The following CNPPD1 variants were observed in gnomAD, a reference collection of about 807,000 sequenced individuals.
CNPPD1 encodes the protein cyclin Pas1/PHO80 domain containing 1.
A neutral mutation model predicts 43.7 loss-of-function variants in CNPPD1; 40 were observed. That is an observed-to-expected ratio of 0.92 (90% CI 0.71 to 1.19). The LOEUF (loss-of-function observed/expected upper bound fraction) is 1.19. CNPPD1 is among the 50% of genes most tolerant of loss of function. CNPPD1 has a pLI of 0.00. For missense variants in CNPPD1, 511 were observed against 518.5 expected (o/e 0.99, Z 0.14); for synonymous variants, 208 against 214.3 (o/e 0.97, Z 0.26).
At chr2:219,174,292 C>A in intron 5 of CNPPD1, 85 bp from the exon 6 acceptor site, 1 of 1,333,694 alleles carries the variant, frequency 7.5e-7, no homozygotes, top group Non-Finnish European at 1.1e-6. Flanking sequence ...CAACTACAAC[C>A]GCCCCTATGG....
chr2:219,175,853 T>C (rs766664004), intron 2 of CNPPD1, among the ~76,000 whole-genome samples, 181 bp from the exon 3 acceptor site: 5 of 152,176 alleles, frequency 3.3e-5, no homozygotes, highest in Non-Finnish European at 7.3e-5. Context: ...CAAGTTCGAA[T>C]TTCAGCTCAT....
intron 2 of CNPPD1, 103 bp downstream of exon 2, chr2:219,176,120 G>T: frequency 1.2e-6 from 1 of 811,882 alleles, no homozygotes; most frequent in Non-Finnish European, 2.1e-6. Flanking sequence ...AGCTAGCAAT[G>T]AAGAGACAGT....
chr2:219,172,955 G>C lies in CNPPD1; in HGVS notation c.864C>G (p.Cys288Trp), dbSNP rs745727803. ...TGGAGACATTAGCGAGAGACGGCAG[G>C]CATTGTGGCACAGAAGGTATGCAGG... The part of the protein sequence containing the change: ...LEPCIPSVPQ[C>W]LPSLANVSSC... The change falls in exon 8 of 8, where the codon TGC becomes TGG. Residue 288 changes from cysteine to tryptophan, a missense_variant. Transcript: ENST00000360507. 1.9e-6 allele frequency: 3 copies of C among 1,613,982 alleles called. No individual in the cohort carries two copies. Among genetic ancestry groups the C allele is most frequent in the Non-Finnish European group, 1.7e-6 (2 of 1,179,966 alleles).
At chr2:219,178,142 G>A (rs930728196), upstream of CNPPD1, 7 of 283,624 alleles carry the variant, frequency 2.5e-5, no homozygotes, top group African/African-American at 9.0e-5. Flanking sequence ...CAGTGTCAGC[G>A]GCAGCCGCCG....
At chr2:219,176,176 C>T (rs1001870314) in intron 2 of CNPPD1, 47 bp downstream of exon 2, 6 of 1,384,242 alleles carry the variant, frequency 4.3e-6, no homozygotes, top group Non-Finnish European at 6.2e-6. Context: ...TGATGACAAT[C>T]CCATTTTCAT....
rs1950084238 is a variant in CNPPD1, at chr2:219,172,404, C to T, written c.*182G>A. ...ATCACTGTCCTGGCCAAGCAGCCAG[C>T]CACTGCGATCTAGGAGTGAATTACC... is the stretch of plus-strand genomic sequence containing the variant. On this transcript the variant is annotated 3_prime_UTR_variant, in exon 8 of 8. Coordinates refer to ENST00000360507, the MANE Select transcript of CNPPD1 (RefSeq NM_015680.6). The T allele has an allele frequency of 5.9e-6, 4 of 681,666 alleles. No homozygotes were observed. Among genetic ancestry groups the T allele is most frequent in the Non-Finnish European group, 1.0e-5 (4 of 394,578 alleles). The allele number at this position is 681,666 out of a possible 1,614,324, so 42.2% of individuals were successfully genotyped here. A position where few individuals can be genotyped will look rare whatever the true frequency, so the allele number is the denominator to read the frequency against.
chr2:219,176,251 G>A lies in CNPPD1; in HGVS notation c.150C>T (p.Ser50=). Residue 50 remains serine (S), a synonymous_variant, in exon 2 of 8, where the codon AGC becomes AGT. Coordinates refer to ENST00000360507, the MANE Select transcript of CNPPD1 (RefSeq NM_015680.6). ...CCACCGGGCTGGAGAGCTCCTCCAG[G>A]CTACAGTCGGCTTCCCAGTCCCAGC... ...YYGWDWEADC[S]LEELSSPVAD... 1.2e-6 allele frequency: 2 copies of A among 1,614,002 alleles called. No homozygotes were observed. The highest frequency in any genetic ancestry group is 1.7e-6 in the Non-Finnish European group (2 of 1,179,866).
rs972746160 is a variant in CNPPD1 at position 219,176,417 on chromosome 2, G to C, written c.70-86C>G. 1.1e-5 allele frequency: 12 copies of C among 1,057,438 alleles called. No homozygotes were observed. The African/African-American group carries it at 1.7e-4, about 15-fold the overall frequency. 65.5% of individuals were successfully genotyped at this position (1,057,438 alleles called of 1,614,324 possible). A position where few individuals can be genotyped will look rare whatever the true frequency, so the allele number is the denominator to read the frequency against. On this transcript the variant is annotated intron_variant, in intron 1 of 7. Transcript: ENST00000360507. Reference sequence around the variant, plus strand: ...GCTCTGGGCTGGAAGGCGGGGCAGGGGACAGGCCGGCCTCGCTGCTAGGGG... The same window carrying C: ...GCTCTGGGCTGGAAGGCGGGGCAGGCGACAGGCCGGCCTCGCTGCTAGGGG...
At chr2:219,174,267 T>C in intron 5 of CNPPD1, 60 bp from the exon 6 acceptor site, 3 of 1,540,680 alleles carry the variant, frequency 1.9e-6, no homozygotes, top group Non-Finnish European at 2.7e-6. Context: ...CATTTAATAA[T>C]AAGAGCCATA....
At position 219,175,652 on chromosome 2, in the gene CNPPD1, G is replaced by A; in HGVS notation, c.199C>T (p.Gln67Ter). 3 of 1,614,040 alleles carry A rather than the reference G, an allele frequency of 1.9e-6. No homozygotes were observed. The highest frequency in any genetic ancestry group is 2.5e-6 in the Non-Finnish European group (3 of 1,179,944). The change falls in exon 3 of 8, where the codon CAG (glutamine) becomes TAG (stop). Residue 67 changes from glutamine (Q) to a stop codon, truncating the protein, a stop_gained. Coordinates refer to ENST00000360507, the MANE Select transcript of CNPPD1 (RefSeq NM_015680.6). LOFTEE classifies it high-confidence loss of function. ...CGAATAGGGCTGGGGGCTGCCTTCT[G>A]GAGCAGTTCGACAGCAATGTCTGCA... Reference protein sequence around the residue: ...PVADIAVELLQKAAPSPIRRL... With the variant: ...PVADIAVELL
chr2:219,173,204 A>G (rs1950103818), intron 7 of CNPPD1, 76 bp from the exon 8 acceptor site: 28 of 1,481,508 alleles, frequency 1.9e-5, no homozygotes, highest in Non-Finnish European at 2.6e-5. Flanking sequence ...TCTGTGTTCC[A>G]GTTGGAGGTC....
In CNPPD1 at chr2:219,173,611, A is replaced by G. The variant is rs73074981; in HGVS notation, c.573-144T>C. ...TAGGCTATCTGCTGATCTAGAAACTAAGGGTGAGACCAAGACCTATATTTT... is the reference window on the plus strand; with the variant it reads ...TAGGCTATCTGCTGATCTAGAAACTGAGGGTGAGACCAAGACCTATATTTT... On this transcript the variant is annotated intron_variant, in intron 6 of 7. Coordinates refer to ENST00000360507, the MANE Select transcript of CNPPD1 (RefSeq NM_015680.6). 7.0e-6 allele frequency: 4 copies of G among 574,518 alleles called. No homozygotes were observed. The African/African-American group carries it at 7.6e-5, about 11-fold the overall frequency. 35.6% of individuals were successfully genotyped at this position (574,518 alleles called of 1,614,324 possible). A position where few individuals can be genotyped will look rare whatever the true frequency, so the allele number is the denominator to read the frequency against.
At chr2:219,176,111 G>T in intron 2 of CNPPD1, 112 bp downstream of exon 2, 1 of 754,156 alleles carries the variant, frequency 1.3e-6, no homozygotes, top group Non-Finnish European at 2.3e-6. Flanking sequence ...GTACCAACGA[G>T]CTAGCAATGA....
chr2:219,175,160 C>T, intron 3 of CNPPD1, 52 bp from the exon 4 acceptor site: 1 of 1,526,040 alleles, frequency 6.6e-7, no homozygotes, highest in Non-Finnish European at 8.7e-7. Context: ...TCAGCTCTTG[C>T]AAGTCTTATG....
At position 219,176,902 on chromosome 2, in the gene CNPPD1, G is replaced by T; in HGVS notation, c.-74C>A. 2.3e-6 allele frequency: 3 copies of T among 1,301,714 alleles called. No individual in the cohort carries two copies. Among genetic ancestry groups the T allele is most frequent in the Non-Finnish European group, 2.1e-6 (2 of 942,340 alleles). 80.6% of individuals were successfully genotyped at this position (1,301,714 alleles called of 1,614,324 possible). On this transcript the variant is annotated 5_prime_UTR_variant, in exon 1 of 8. Transcript: ENST00000360507. ...GTAGGGGGCTCGCGGAGCTGTCCTT[G>T]CCCGCCTGTCCACCTGCCAGCCTGC...
chr2:219,176,304 C>G lies in CNPPD1; in HGVS notation c.97G>C (p.Ala33Pro). ...TFLPGHQKLS[A>P]RIRRRLYYGW... ...TAGTAGAGCCTCCTTCGGATCCGGG[C>G]ACTCAGCTTCTGGTGTCCTGGGAGG... Residue 33 changes from alanine (A) to proline (P), a missense_variant, in exon 2 of 8, where the codon GCC (alanine) becomes CCC (proline). Ala to Pro is a conservative substitution (Grantham distance 27). Coordinates refer to ENST00000360507, the MANE Select transcript of CNPPD1 (RefSeq NM_015680.6). The G allele has an allele frequency of 6.2e-7, 1 of 1,614,186 alleles. No individual in the cohort carries two copies.
In CNPPD1 at chr2:219,176,798, C is replaced by T. The variant is rs1485988860; in HGVS notation, c.31G>A (p.Glu11Lys). ...AAGCCGGCGAGGGAGAAGGTGCCTT[C>T]TTCGTCCAGCAGGAGCCCGGTCAGG... Reference protein sequence around the residue: MDLTGLLLDEEGTFSLAGFQD... With the variant: MDLTGLLLDEKGTFSLAGFQD... The change falls in exon 1 of 8, where the codon GAA (glutamate) becomes AAA (lysine). Residue 11 changes from glutamate (E) to lysine (K), a missense_variant. Glu to Lys is a moderately conservative substitution (Grantham distance 56, BLOSUM62 1). Transcript: ENST00000360507. 1 of 1,584,470 alleles carries T rather than the reference C, an allele frequency of 6.3e-7. No homozygotes were observed. The highest frequency in any genetic ancestry group is 8.6e-7 in the Non-Finnish European group (1 of 1,166,034).
At position 219,172,467 on chromosome 2, in the gene CNPPD1, C is replaced by A; in HGVS notation, c.*119G>T. On this transcript the variant is annotated 3_prime_UTR_variant, in exon 8 of 8. Coordinates refer to ENST00000360507, the MANE Select transcript of CNPPD1 (RefSeq NM_015680.6). ...GCCCCACCACCCCATAAGCTCCCAC[C>A]CAGGAGGACAGGGGACCTGCCAAGG... The A allele has an allele frequency of 1.9e-6, 2 of 1,070,132 alleles. No individual in the cohort carries two copies. Among genetic ancestry groups the A allele is most frequent in the East Asian group, 2.4e-5 (1 of 42,292 alleles). The allele number at this position is 1,070,132 out of a possible 1,614,324, so 66.3% of individuals were successfully genotyped here.
chr2:219,175,252 G>T, intron 3 of CNPPD1, 144 bp from the exon 4 acceptor site: 1 of 1,150,094 alleles, frequency 8.7e-7, no homozygotes, highest in Non-Finnish European at 1.2e-6. Context: ...TGTAATCCCA[G>T]CACTTTGGAA....
Sources: gnomAD v4.1 joint callset for allele counts (sites outside exome capture counted in the v4.1 genomes callset) on GRCh38, gnomAD v4.1.1 for gene constraint, MANE v1.5 for transcripts, NCBI Gene and HGNC (gene_info 2026-07-23, HGNC 2026-07-21) for gene names.